The following CSMD1 variants were observed in gnomAD, a reference collection of about 807,000 sequenced individuals.
CSMD1 encodes CUB and sushi domain-containing protein 1.
A neutral mutation model predicts 417.5 loss-of-function variants in CSMD1; 213 were observed. The observed-to-expected ratio is 0.51, with a 90% CI of 0.46 to 0.57. The LOEUF (loss-of-function observed/expected upper bound fraction) is 0.57. CSMD1 is among the 20% of genes least tolerant of loss of function. The pLI is 0.00. For synonymous variants in CSMD1, 2,862 were observed against 1,736.8 expected, an observed-to-expected ratio of 1.65 and a Z score of -16.11; for missense variants, 6,923 against 4,529.7, an observed-to-expected ratio of 1.53 and a Z score of -15.17.
At chr8:4,160,623 T>C (rs1345898237) in intron 3 of CSMD1, among the ~76,000 whole-genome samples, 1 of 152,238 alleles carries the variant, frequency 6.6e-6, no homozygotes, top group Non-Finnish European at 1.5e-5. Flanking sequence ...CCCCACTTTC[T>C]TGCAGACACT....
intron 3 of CSMD1, among the ~76,000 whole-genome samples, chr8:4,330,159 A>G (rs145030072): frequency 2.0e-5 from 3 of 152,248 alleles, no homozygotes; most frequent in African/African-American, 4.8e-5. Flanking sequence ...CCCAACAAAT[A>G]TACAACAGGA....
chr8:4,779,330 G>C (rs902149200), intron 1 of CSMD1, among the ~76,000 whole-genome samples: 1 of 152,074 alleles, frequency 6.6e-6, no homozygotes, highest in African/African-American at 2.4e-5. Flanking sequence ...AAAATCAAGG[G>C]AAACTAACTC....
At chr8:4,763,118 G>C (rs866932356) in intron 1 of CSMD1, among the ~76,000 whole-genome samples, 3 of 152,290 alleles carry the variant, frequency 2.0e-5, no homozygotes, top group Non-Finnish European at 2.9e-5. Flanking sequence ...TCAGCATGAA[G>C]TTACAAAGAC....
At chr8:3,942,509 A>G (rs990893715) in intron 5 of CSMD1, among the ~76,000 whole-genome samples, 4 of 152,178 alleles carry the variant, frequency 2.6e-5, no homozygotes, top group South Asian at 2.1e-4. Context: ...TTCAGGGACT[A>G]TAACCCTCAA....
chr8:3,881,264 C>CTT (rs5888997), intron 5 of CSMD1, among the ~76,000 whole-genome samples: 259 of 146,578 alleles, frequency 1.8e-3, no homozygotes, highest in Middle Eastern at 3.6e-3. Flanking sequence ...TTGTTTTTTG[C>CTT]TTTTTTTTTT....
At chr8:4,558,192 C>G (rs1417612619) in intron 2 of CSMD1, among the ~76,000 whole-genome samples, 1 of 152,080 alleles carries the variant, frequency 6.6e-6, no homozygotes, top group Non-Finnish European at 1.5e-5. Context: ...TAAACAAGAG[C>G]AGGATGTGAT....
intron 1 of CSMD1, among the ~76,000 whole-genome samples, chr8:4,733,963 T>C (rs1187770731): frequency 6.6e-6 from 1 of 152,198 alleles, no homozygotes; most frequent in African/African-American, 2.4e-5. Flanking sequence ...GAAGTTAGAA[T>C]TATGCCCCTA....
At chr8:4,443,050 T>C (rs147573136) in intron 2 of CSMD1, among the ~76,000 whole-genome samples, 19 of 152,334 alleles carry the variant, frequency 1.2e-4, no homozygotes, top group African/African-American at 3.4e-4. Context: ...ATTGTGAATA[T>C]ACAATTATTT....
intron 5 of CSMD1, among the ~76,000 whole-genome samples, chr8:3,757,593 T>C (rs1021256534): frequency 2.0e-5 from 3 of 152,166 alleles, no homozygotes; most frequent in Non-Finnish European, 4.4e-5. Context: ...CCCGGTGCAG[T>C]GGCTCACCCC....
intron 7 of CSMD1, among the ~76,000 whole-genome samples, chr8:3,655,028 T>C (rs1029368903): frequency 1.3e-5 from 2 of 152,248 alleles, no homozygotes; most frequent in African/African-American, 4.8e-5. Context: ...TTTTTAAATT[T>C]AATTAAAATA....
intron 1 of CSMD1, among the ~76,000 whole-genome samples, chr8:4,651,065 A>G (rs1169298785): frequency 1.3e-5 from 2 of 152,204 alleles, no homozygotes; most frequent in African/African-American, 4.8e-5. Context: ...AAACTTTTAG[A>G]TCTAGTGCAG....
intron 25 of CSMD1, among the ~76,000 whole-genome samples, chr8:3,292,769 A>G (rs971318066): frequency 2.6e-5 from 4 of 152,096 alleles, no homozygotes; most frequent in African/African-American, 9.7e-5. Flanking sequence ...ATGGGTCTTG[A>G]CTTTTTATGC....
intron 63 of CSMD1, among the ~76,000 whole-genome samples, chr8:2,957,053 C>T (rs28503811): frequency 0.037 from 5,573 of 152,028 alleles, 310 homozygotes; most frequent in African/African-American, 0.13. Context: ...GAATAAGACA[C>T]CGCATTTCAC....
intron 1 of CSMD1, among the ~76,000 whole-genome samples, chr8:4,793,176 T>C (rs1456011739): frequency 6.6e-6 from 1 of 152,164 alleles, no homozygotes; most frequent in Non-Finnish European, 1.5e-5. Flanking sequence ...TCCTTGATCA[T>C]GGAGTAATTA....
intron 39 of CSMD1, among the ~76,000 whole-genome samples, chr8:3,155,097 T>G (rs1819435288): frequency 6.7e-6 from 1 of 149,340 alleles, no homozygotes; most frequent in African/African-American, 2.5e-5. Context: ...AAGCCTATTA[T>G]ATTTTGCAAA....
chr8:4,646,104 C>G (rs760341195), intron 1 of CSMD1, among the ~76,000 whole-genome samples: 1 of 152,208 alleles, frequency 6.6e-6, no homozygotes, highest in African/African-American at 2.4e-5. Flanking sequence ...TCAGAGACTT[C>G]GAGCTTATAT....
At chr8:3,000,943 G>A (rs986597001) in intron 52 of CSMD1, among the ~76,000 whole-genome samples, 7 of 152,028 alleles carry the variant, frequency 4.6e-5, no homozygotes, top group African/African-American at 1.7e-4. Context: ...TCCACATGGA[G>A]ACAGACCCTC....
intron 5 of CSMD1, among the ~76,000 whole-genome samples, chr8:3,921,866 G>C (rs1809294602): frequency 6.6e-6 from 1 of 152,100 alleles, no homozygotes; most frequent in South Asian, 2.1e-4. Flanking sequence ...TGCTGCTGTG[G>C]TCTGGAAGGT....
At chr8:4,722,617 A>C (rs551727740) in intron 1 of CSMD1, among the ~76,000 whole-genome samples, 3 of 152,156 alleles carry the variant, frequency 2.0e-5, no homozygotes, top group African/African-American at 7.2e-5. Flanking sequence ...TACAGGGTGC[A>C]TAAGTCCACA....
Sources: gnomAD v4.1 joint callset for allele counts (sites outside exome capture counted in the v4.1 genomes callset) on GRCh38, gnomAD v4.1.1 for gene constraint, MANE v1.5 for transcripts, NCBI Gene and HGNC (gene_info 2026-07-23, HGNC 2026-07-21) for gene names.